Variants in RALGAPB observed in about 807,000 individuals in gnomAD.
RALGAPB encodes the protein Ral GTPase activating protein non-catalytic subunit beta, also known as ral GTPase-activating protein subunit beta.
RALGAPB carries 25 observed loss-of-function variants against 161.1 expected under a neutral mutation model. That is an observed-to-expected ratio of 0.16 (90% confidence interval 0.11 to 0.22). RALGAPB has a LOEUF of 0.22. Ranked by LOEUF, RALGAPB falls within the 10% of genes least tolerant of loss-of-function variation. RALGAPB has a pLI of 1.00. For synonymous variants in RALGAPB, 629 were observed against 626.1 expected, an observed-to-expected ratio of 1.00 and a Z score of -0.07; for missense variants, 1,391 against 1,815.2, an observed-to-expected ratio of 0.77 and a Z score of 4.25.
At chr20:38,474,010 G>C (rs908124678) in intron 1 of RALGAPB, among the ~76,000 whole-genome samples, 8 of 152,184 alleles carry the variant, frequency 5.3e-5, no homozygotes, top group African/African-American at 1.9e-4. Context: ...GAGATCTTTA[G>C]GTTGACTGAC....
At chr20:38,564,730 G>A (rs2087920901) in intron 24 of RALGAPB, among the ~76,000 whole-genome samples, 1 of 152,158 alleles carries the variant, frequency 6.6e-6, no homozygotes. Context: ...TGACCATTGA[G>A]GAAGGTGGAA....
intron 3 of RALGAPB, among the ~76,000 whole-genome samples, chr20:38,496,878 C>T (rs906224942): frequency 1.3e-5 from 2 of 152,122 alleles, no homozygotes; most frequent in African/African-American, 2.4e-5. Flanking sequence ...TCTAACAGAC[C>T]TTAGCTTCAG....
intron 19 of RALGAPB, chr20:38,546,739 C>T (rs1311638908): frequency 3.2e-6 from 1 of 309,882 alleles, no homozygotes; most frequent in Admixed American, 4.4e-5. Flanking sequence ...AACTTCGGAT[C>T]CTGCCCCTCT....
At chr20:38,498,042 C>T (rs1367338698) in intron 4 of RALGAPB, among the ~76,000 whole-genome samples, 2 of 141,468 alleles carry the variant, frequency 1.4e-5, no homozygotes, top group Non-Finnish European at 3.0e-5. Flanking sequence ...GCTCTCCAGC[C>T]TGGGCGACAA....
rs1300476230 is a variant in RALGAPB at position 38,546,354 on chromosome 20, G to A, written c.2826G>A (p.Lys942=). The change falls in exon 19 of 30, where the codon AAG becomes AAA. Residue 942 remains lysine (K), a synonymous_variant. Coordinates refer to ENST00000262879, the MANE Select transcript of RALGAPB (RefSeq NM_020336.4). Reference sequence around the variant, plus strand: ...ACTCCAGGCTGCCAACCATAAACAAGCATAGTTTCCGGTACTTTGTCTTGG... The same window carrying A: ...ACTCCAGGCTGCCAACCATAAACAAACATAGTTTCCGGTACTTTGTCTTGG... ...IKYSRLPTIN[K]HSFRYFVLDN... 1 of 1,614,098 alleles carries A rather than the reference G, an allele frequency of 6.2e-7. No homozygotes were observed. Among genetic ancestry groups the A allele is most frequent in the South Asian group, 1.1e-5 (1 of 91,082 alleles).
chr20:38,509,192 T>C lies in RALGAPB; in HGVS notation c.856T>C (p.Phe286Leu). 1 of 1,613,668 alleles carries C rather than the reference T, an allele frequency of 6.2e-7. No individual in the cohort carries two copies. Among genetic ancestry groups the C allele is most frequent in the South Asian group, 1.1e-5 (1 of 91,036 alleles). Reference protein sequence around the residue: ...NECVAQTWFRFLHMLSNPVDL... With the variant: ...NECVAQTWFRLLHMLSNPVDL... ...GTGTGTTGCACAGACATGGTTTCGC[T>C]TTTTACACATGTTAAGGTATTGTTA... The change falls in exon 6 of 30, where the codon TTT (phenylalanine) becomes CTT (leucine). Residue 286 changes from phenylalanine (F) to leucine (L), a missense_variant. Transcript: ENST00000262879.
intron 27 of RALGAPB, among the ~76,000 whole-genome samples, 174 bp downstream of exon 27, chr20:38,570,170 ACT>A (rs1425108677): frequency 6.6e-6 from 1 of 151,942 alleles, no homozygotes; most frequent in Non-Finnish European, 1.5e-5. Flanking sequence ...GCCTTAGATT[ACT>A]CCTCTGTTAA....
intron 13 of RALGAPB, among the ~76,000 whole-genome samples, chr20:38,526,283 C>G (rs949532968): frequency 7.2e-5 from 11 of 151,980 alleles, no homozygotes; most frequent in African/African-American, 2.7e-4. Flanking sequence ...TCTCTTCTCC[C>G]TTCTCTCCTT....
At chr20:38,525,845 C>T in intron 12 of RALGAPB, 50 bp from the exon 13 acceptor site, 2 of 1,570,506 alleles carry the variant, frequency 1.3e-6, no homozygotes, top group Non-Finnish European at 1.7e-6. Context: ...CCCACATGGG[C>T]ATCATAAGCT....
chr20:38,488,873 A>G (rs528690521), intron 2 of RALGAPB, among the ~76,000 whole-genome samples: 1 of 152,202 alleles, frequency 6.6e-6, no homozygotes, highest in Non-Finnish European at 1.5e-5. Flanking sequence ...ACTTTTTACT[A>G]GTTATGGTCA....
Position 38,535,910 on chromosome 20 carries a change from C to T in RALGAPB, c.2379+703C>T, listed in dbSNP as rs146565982. Among the ~76,000 whole-genome samples the T allele has an allele frequency of 5.0e-3, 762 of 152,208 alleles. 6 individuals are homozygous for T. Among genetic ancestry groups the T allele is most frequent in the African/African-American group, 0.017 (725 of 41,542 alleles). ...TTGGCTACACTTTTTAGATTTCTTT[C>T]CCAGCCGTTACTTCAGTTTTTTGGA... On this transcript the variant is annotated intron_variant, in intron 16 of 29. Coordinates refer to ENST00000262879, the MANE Select transcript of RALGAPB (RefSeq NM_020336.4).
At chr20:38,572,577 A>G (rs879923043) in intron 28 of RALGAPB, among the ~76,000 whole-genome samples, 3 of 152,228 alleles carry the variant, frequency 2.0e-5, no homozygotes, top group Non-Finnish European at 4.4e-5. Context: ...TGCATATAAG[A>G]TGAATTTATT....
chr20:38,477,657 C>G (rs2084847472), intron 1 of RALGAPB, among the ~76,000 whole-genome samples: 1 of 151,896 alleles, frequency 6.6e-6, no homozygotes, highest in Non-Finnish European at 1.5e-5. Flanking sequence ...GTTTTAGCAC[C>G]CTGTATCCTA....
At chr20:38,553,051 C>T (rs897075749) in intron 21 of RALGAPB, among the ~76,000 whole-genome samples, 2 of 152,000 alleles carry the variant, frequency 1.3e-5, no homozygotes, top group African/African-American at 4.8e-5. Context: ...ATTGAGTGCC[C>T]CACCGCAATA....
At chr20:38,521,816 TG>T in intron 10 of RALGAPB, 118 bp downstream of exon 10, 2 of 1,029,114 alleles carry the variant, frequency 1.9e-6, no homozygotes, top group South Asian at 1.6e-5. Context: ...TGTCTGTAAG[TG>T]ATCGACATTT....
At position 38,574,802 on chromosome 20, in the gene RALGAPB, C is replaced by T; in HGVS notation, c.4320C>T (p.Asn1440=). The change falls in exon 30 of 30, where the codon AAC becomes AAT. Residue 1440 remains asparagine, a synonymous_variant. Coordinates refer to ENST00000262879, the MANE Select transcript of RALGAPB (RefSeq NM_020336.4). ...TTCTGGTGAGGCAGACTGTAATTAA[C>T]ATTTGTAGAAGAAAGAGACTGGAAA... ...LGFLVRQTVI[N]ICRRKRLESD... 6.2e-7 allele frequency: 1 copy of T among 1,613,986 alleles called. No homozygotes were observed. Among genetic ancestry groups the T allele is most frequent in the South Asian group, 1.1e-5 (1 of 91,082 alleles).
At chr20:38,555,393 A>ATT (rs11476400) in intron 22 of RALGAPB, among the ~76,000 whole-genome samples, 1 of 151,806 alleles carries the variant, frequency 6.6e-6, no homozygotes, top group Non-Finnish European at 1.5e-5. Context: ...GTATTTTTGT[A>ATT]TTTTTTTTGT....
At chr20:38,491,044 C>G (rs140616307) in intron 2 of RALGAPB, among the ~76,000 whole-genome samples, 3,819 of 152,296 alleles carry the variant, frequency 0.025, 162 homozygotes, top group African/African-American at 0.088. Flanking sequence ...TTTAGAATCT[C>G]TTCTCTTATG....
At chr20:38,542,099 A>G (rs1600996983) in intron 18 of RALGAPB, among the ~76,000 whole-genome samples, 1 of 152,194 alleles carries the variant, frequency 6.6e-6, no homozygotes, top group Non-Finnish European at 1.5e-5. Flanking sequence ...TGGAACAGTT[A>G]GTGGAAATTA....
Sources: allele counts gnomAD v4.1 joint callset (sites outside exome capture counted in the v4.1 genomes callset), GRCh38; gene constraint gnomAD v4.1.1; transcripts MANE v1.5; gene names NCBI Gene and HGNC (gene_info 2026-07-23, HGNC 2026-07-21).